Variants in SLC36A1 observed in about 807,000 individuals in gnomAD.
The protein encoded by SLC36A1 is solute carrier family 36 member 1.
SLC36A1 carries 30 observed loss-of-function variants against 47.5 expected under a neutral mutation model. That is an observed-to-expected ratio of 0.63 (90% CI 0.47 to 0.86). The LOEUF is 0.86. Among genes scored for constraint, SLC36A1 ranks in the 40% least tolerant of loss-of-function variants. SLC36A1 has a pLI of 0.00. For synonymous variants in SLC36A1, 255 were observed against 249.7 expected (o/e 1.02, Z -0.20); for missense variants, 517 against 606.0 (o/e 0.85, Z 1.54).
the SLC36A1 span, chr5:151,507,044 G>T: frequency 9.7e-6 from 9 of 927,122 alleles, no homozygotes; most frequent in Admixed American, 1.3e-4. Context: ...CCATCCCAAA[G>T]GGTTGGATGC....
the SLC36A1 span, among the ~76,000 whole-genome samples, chr5:151,387,994 A>G: frequency 6.6e-6 from 1 of 152,118 alleles, no homozygotes; most frequent in Non-Finnish European, 1.5e-5. Flanking sequence ...AACCCCAAAT[A>G]TATTTATTTG....
At chr5:151,456,329 T>C (rs983967722) in intron 1 of SLC36A1, among the ~76,000 whole-genome samples, 4 of 152,320 alleles carry the variant, frequency 2.6e-5, no homozygotes, top group Admixed American at 2.6e-4. Context: ...TAAATAATTA[T>C]GTTCATTGAC....
the SLC36A1 span, among the ~76,000 whole-genome samples, chr5:151,354,284 A>G: frequency 6.6e-6 from 1 of 152,242 alleles, no homozygotes; most frequent in South Asian, 2.1e-4. Flanking sequence ...AGCCTGGGCA[A>G]CAGAACAAGA....
chr5:151,528,263 C>G, the SLC36A1 span: 1 of 1,011,974 alleles, frequency 9.9e-7, no homozygotes, highest in South Asian at 1.7e-5. Flanking sequence ...ACAGTTGTCC[C>G]TGCCAAAGTA....
At chr5:151,423,017 TA>T in the SLC36A1 span, among the ~76,000 whole-genome samples, 2 of 152,006 alleles carry the variant, frequency 1.3e-5, no homozygotes, top group African/African-American at 4.8e-5. Context: ...AGATGGCAAA[TA>T]AGCATATGAA....
the SLC36A1 span, among the ~76,000 whole-genome samples, chr5:151,401,206 G>A: frequency 6.6e-6 from 1 of 152,102 alleles, no homozygotes; most frequent in Admixed American, 6.5e-5. Context: ...TATAGTGATA[G>A]GTATGGAGTC....
the SLC36A1 span, chr5:151,543,932 G>T: frequency 1.2e-6 from 2 of 1,614,148 alleles, no homozygotes; most frequent in Non-Finnish European, 1.7e-6. Context: ...TGGACTTTAA[G>T]AACCAGGTGT....
chr5:151,444,641 A>G (rs1315307098), upstream of SLC36A1, among the ~76,000 whole-genome samples: 4 of 152,086 alleles, frequency 2.6e-5, no homozygotes, highest in African/African-American at 9.7e-5. Flanking sequence ...ATGCACCACC[A>G]TGCTGGGCTG....
At chr5:151,495,658 A>C (rs73272027), downstream of SLC36A1, among the ~76,000 whole-genome samples, 1 of 152,046 alleles carries the variant, frequency 6.6e-6, no homozygotes, top group Non-Finnish European at 1.5e-5. Flanking sequence ...CCCTTTATAG[A>C]TACCCACTCC....
intron 10 of SLC36A1, among the ~76,000 whole-genome samples, chr5:151,486,199 G>C (rs1759505209): frequency 1.3e-5 from 2 of 152,170 alleles, no homozygotes; most frequent in Non-Finnish European, 2.9e-5. Context: ...GCTTTATATG[G>C]CAAGACAGGG....
the SLC36A1 span, among the ~76,000 whole-genome samples, chr5:151,419,516 GC>G: frequency 6.6e-6 from 1 of 152,170 alleles, no homozygotes; most frequent in Non-Finnish European, 1.5e-5. Flanking sequence ...ATATTAATTT[GC>G]CCCCAGAAGC....
the SLC36A1 span, among the ~76,000 whole-genome samples, chr5:151,369,857 C>T: frequency 2.0e-5 from 3 of 151,720 alleles, no homozygotes; most frequent in Admixed American, 6.6e-5. Context: ...TGCAGTGGTG[C>T]GATCTCAGCT....
chr5:151,420,271 C>T, the SLC36A1 span, among the ~76,000 whole-genome samples: 1 of 152,170 alleles, frequency 6.6e-6, no homozygotes, highest in South Asian at 2.1e-4. Flanking sequence ...GGCAGGGCTC[C>T]ATCCTTCTGG....
At chr5:151,502,940 T>C in the SLC36A1 span, among the ~76,000 whole-genome samples, 4 of 148,150 alleles carry the variant, frequency 2.7e-5, 1 homozygote, top group East Asian at 1.9e-4. Context: ...TGAAAAGATA[T>C]GGAGGAATCT....
At chr5:151,485,493 T>C (rs1235277583) in intron 10 of SLC36A1, among the ~76,000 whole-genome samples, 4 of 152,146 alleles carry the variant, frequency 2.6e-5, no homozygotes, top group African/African-American at 4.8e-5. Flanking sequence ...AGCCTGGGTA[T>C]CTACCTCTCA....
the SLC36A1 span, among the ~76,000 whole-genome samples, chr5:151,431,565 C>T: frequency 1.5e-4 from 23 of 152,108 alleles, no homozygotes; most frequent in African/African-American, 4.8e-4. Context: ...AGGAGGGACC[C>T]GGTGATAGGT....
chr5:151,479,940 C>G (rs1486520133), intron 10 of SLC36A1: 8 of 594,338 alleles, frequency 1.3e-5, no homozygotes, highest in Non-Finnish European at 2.0e-5. Context: ...TGATAGTATT[C>G]TAGACATTTT....
chr5:151,451,644 A>G (rs1047169290), intron 1 of SLC36A1, among the ~76,000 whole-genome samples: 1 of 152,144 alleles, frequency 6.6e-6, no homozygotes, highest in African/African-American at 2.4e-5. Flanking sequence ...TCTAACATTT[A>G]TTTATTTTTT....
At chr5:151,485,447 C>G (rs535289485) in intron 10 of SLC36A1, among the ~76,000 whole-genome samples, 1 of 152,324 alleles carries the variant, frequency 6.6e-6, no homozygotes, top group South Asian at 2.1e-4. Context: ...GTGCTGGGTT[C>G]TCCACCATGC....
Sources: allele counts gnomAD v4.1 joint callset (sites outside exome capture counted in the v4.1 genomes callset), GRCh38; gene constraint gnomAD v4.1.1; transcripts MANE v1.5; gene names NCBI Gene and HGNC (gene_info 2026-07-23, HGNC 2026-07-21).